The following TBL3 variants were observed in gnomAD, a reference collection of about 807,000 sequenced individuals.
The protein encoded by TBL3 is transducin beta-like protein 3.
In TBL3, 71 loss-of-function variants were observed where a neutral mutation model predicts 102.7. That is an observed-to-expected ratio of 0.69 (90% confidence interval 0.57 to 0.84). The LOEUF (loss-of-function observed/expected upper bound fraction) is 0.84. TBL3 is among the 40% of genes least tolerant of loss of function. TBL3 has a pLI of 0.00. For synonymous variants in TBL3, 578 were observed against 477.7 expected (o/e 1.21, Z -2.74); for missense variants, 1,188 against 1,098.5 (o/e 1.08, Z -1.15).
chr16:1,976,141 G>A (rs990412326), intron 12 of TBL3, 27 bp downstream of exon 12: 4 of 1,614,056 alleles, frequency 2.5e-6, no homozygotes, highest in African/African-American at 1.3e-5. Flanking sequence ...GGTAGGGGCA[G>A]GGGCACCAGG....
In TBL3 at chr16:1,979,432, G is replaced by C. The variant is rs756925016; in HGVS notation, c.*747G>C. On this transcript the variant is annotated 3_prime_UTR_variant, in exon 22 of 22. Transcript: ENST00000568546. The stretch of plus-strand genomic sequence containing the variant: ...ACGCCCGCTCCCGCGTACCTGCATA[G>C]CCACCAGCCGCGGTCTGACGTTTCC... The C allele has an allele frequency of 2.1e-5, 33 of 1,608,904 alleles. No homozygotes were observed. In the East Asian group the frequency reaches 6.3e-4, roughly 30 times the overall value.
In TBL3 at chr16:1,979,714, C is replaced by T; in HGVS notation, c.*1029C>T. On this transcript the variant is annotated 3_prime_UTR_variant, in exon 22 of 22. Transcript: ENST00000568546. ...AGCACGGGCTCCTGGCCCGCCCTGC[C>T]CGCGGTGCTTCTGGCCCAGTCTTGC... The T allele has an allele frequency of 2.3e-6, 3 of 1,295,474 alleles. No individual in the cohort carries two copies. The highest frequency in any genetic ancestry group is 3.1e-6 in the Non-Finnish European group (3 of 954,328). The allele number at this position is 1,295,474 out of a possible 1,614,324, so 80.2% of individuals were successfully genotyped here.
chr16:1,976,465 G>C (rs1253925727), intron 13 of TBL3, 151 bp downstream of exon 13: 21 of 701,060 alleles, frequency 3.0e-5, no homozygotes, highest in Middle Eastern at 7.9e-4. Flanking sequence ...CAGGACAGGA[G>C]AGTCCCTAGG....
In TBL3 at chr16:1,979,429, A is replaced by G. The variant is rs1369232370; in HGVS notation, c.*744A>G. ...CCCACGCCCGCTCCCGCGTACCTGC[A>G]TAGCCACCAGCCGCGGTCTGACGTT... On this transcript the variant is annotated 3_prime_UTR_variant, in exon 22 of 22. Transcript: ENST00000568546. The G allele has an allele frequency of 6.8e-6, 11 of 1,608,672 alleles. No individual in the cohort carries two copies. The Admixed American group carries it at 1.5e-4, about 22-fold the overall frequency.
chr16:1,978,865 C>G lies in TBL3; in HGVS notation c.*180C>G. 1.8e-6 allele frequency: 2 copies of G among 1,090,580 alleles called. No individual in the cohort carries two copies. Among genetic ancestry groups the G allele is most frequent in the South Asian group, 1.6e-5 (1 of 64,138 alleles). 67.6% of individuals were successfully genotyped at this position (1,090,580 alleles called of 1,614,324 possible). A position where few individuals can be genotyped will look rare whatever the true frequency, so the allele number is the denominator to read the frequency against. ...CGGCCCTGCCACGCCCATCCCGCAC[C>G]CTGGCCTGGCAGAGATCCAGCCCGC... On this transcript the variant is annotated 3_prime_UTR_variant, in exon 22 of 22. Coordinates refer to ENST00000568546, the MANE Select transcript of TBL3 (RefSeq NM_006453.3).
Position 1,978,843 on chromosome 16 carries a change from C to G in TBL3, c.*158C>G. On this transcript the variant is annotated 3_prime_UTR_variant, in exon 22 of 22. Coordinates refer to ENST00000568546, the MANE Select transcript of TBL3 (RefSeq NM_006453.3). ...AGGGCACTGGAGCTGATGGTCTCGG[C>G]CCTGCCACGCCCATCCCGCACCCTG... 1 of 1,153,460 alleles carries G rather than the reference C, an allele frequency of 8.7e-7. No homozygotes were observed. Among genetic ancestry groups the G allele is most frequent in the Non-Finnish European group, 1.2e-6 (1 of 824,148 alleles). 71.5% of individuals were successfully genotyped at this position (1,153,460 alleles called of 1,614,324 possible).
At position 1,978,049 on chromosome 16, in the gene TBL3, A is replaced by ACTGT; in HGVS notation, c.2052_2055dup (p.Ile686CysfsTer10). On this transcript the variant is annotated frameshift_variant, in exon 19 of 22. Coordinates refer to ENST00000568546, the MANE Select transcript of TBL3 (RefSeq NM_006453.3). LOFTEE classifies it high-confidence loss of function. ...CCTGGATCGGCCCCACACCGTGCTG[A>ACTGT]CTGTCATCCAGGGTCAGTGCCCACC... 1 of 1,604,920 alleles carries ACTGT rather than the reference A, an allele frequency of 6.2e-7. No individual in the cohort carries two copies. Among genetic ancestry groups the ACTGT allele is most frequent in the Non-Finnish European group, 8.5e-7 (1 of 1,175,222 alleles).
intron 1 of TBL3, among the ~76,000 whole-genome samples, chr16:1,973,510 CTG>C (rs1352763355): frequency 6.6e-6 from 1 of 152,154 alleles, no homozygotes; most frequent in African/African-American, 2.4e-5. Context: ...TGGCCAGAGA[CTG>C]TGATGGGCTG....
chr16:1,978,441 G>A lies in TBL3; in HGVS notation c.2263G>A (p.Ala755Thr). The A allele has an allele frequency of 9.3e-6, 15 of 1,609,726 alleles. No homozygotes were observed. Among genetic ancestry groups the A allele is most frequent in the Non-Finnish European group, 1.3e-5 (15 of 1,178,438 alleles). Residue 755 changes from alanine to threonine, a missense_variant, in exon 21 of 22, where the codon GCA becomes ACA. Physicochemically the swap from Ala to Thr is moderately conservative, Grantham distance 58. Coordinates refer to ENST00000568546, the MANE Select transcript of TBL3 (RefSeq NM_006453.3). ...EELLAYEGVR[A>T]ALEALLPYTE... is the part of the protein sequence containing the mutation. ...GCTGCTGGCCTACGAAGGCGTGCGG[G>A]CAGCGCTTGAGGCCCTGCTGCCCTA...
rs374522195 is a variant in TBL3, at chr16:1,972,159, G to A, written c.-6G>A. The A allele has an allele frequency of 1.4e-3, 2,006 of 1,460,142 alleles. 28 individuals carry two copies. The African/African-American group carries it at 0.026, about 19-fold the overall frequency. 90.4% of individuals were successfully genotyped at this position (1,460,142 alleles called of 1,614,324 possible). A position where few individuals can be genotyped will look rare whatever the true frequency, so the allele number is the denominator to read the frequency against. Reference sequence around the variant, plus strand: ...AGGTTTCAGCTGGAGCGGCGGCGGCGGCAACATGGCAGAGACCGCGGCCGG... The same window carrying A: ...AGGTTTCAGCTGGAGCGGCGGCGGCAGCAACATGGCAGAGACCGCGGCCGG... On this transcript the variant is annotated 5_prime_UTR_variant, in exon 1 of 22. Transcript: ENST00000568546.
At chr16:1,974,138 G>T in intron 2 of TBL3, 31 bp downstream of exon 2, 1 of 1,568,476 alleles carries the variant, frequency 6.4e-7, no homozygotes, top group South Asian at 1.2e-5. Flanking sequence ...AGTGGGGCGG[G>T]CAGCCAGAGG....
chr16:1,974,444 AG>A, intron 4 of TBL3, 21 bp downstream of exon 4: 2 of 1,600,416 alleles, frequency 1.2e-6, no homozygotes, highest in Middle Eastern at 1.7e-4. Context: ...CGGGGCCTGG[AG>A]GGGACCCGCT....
rs375579144 is a variant in TBL3 at position 1,976,163 on chromosome 16, C to T, written c.1189-48C>T. ...GCAGGGGCACCAGGCGGGGAGGCCA[C>T]GCAGTAGGCCCATGGACCAGCCTCT... On this transcript the variant is annotated intron_variant, in intron 12 of 21. Transcript: ENST00000568546. The T allele has an allele frequency of 3.3e-5, 53 of 1,613,618 alleles. No homozygotes were observed. The South Asian group carries it at 3.4e-4, about 10-fold the overall frequency.
intron 13 of TBL3, 36 bp from the exon 14 acceptor site, chr16:1,976,778 C>G: frequency 6.2e-7 from 1 of 1,609,342 alleles, no homozygotes; most frequent in East Asian, 2.2e-5. Flanking sequence ...CTGGCTGGGG[C>G]TCAGCTGTGT....
rs2083475087 is a variant in TBL3, at chr16:1,980,253, A to G, written c.*1568A>G. Reference sequence around the variant, plus strand: ...GTGAAACTGGGGGCGCCACCCCGGCAAGACCGCCAGCCTCCCACTCTCTGC... The same window carrying G: ...GTGAAACTGGGGGCGCCACCCCGGCGAGACCGCCAGCCTCCCACTCTCTGC... On this transcript the variant is annotated 3_prime_UTR_variant, in exon 22 of 22. Transcript: ENST00000568546. 3.3e-6 allele frequency: 5 copies of G among 1,522,932 alleles called. No homozygotes were observed. The highest frequency in any genetic ancestry group is 4.4e-6 in the Non-Finnish European group (5 of 1,133,754). 94.3% of individuals were successfully genotyped at this position (1,522,932 alleles called of 1,614,324 possible).
Position 1,974,374 on chromosome 16 carries a change from A to C in TBL3, c.190-2A>C. 6.2e-7 allele frequency: 1 copy of C among 1,609,040 alleles called. No individual in the cohort carries two copies. Among genetic ancestry groups the C allele is most frequent in the Non-Finnish European group, 8.5e-7 (1 of 1,177,202 alleles). On this transcript the variant is annotated splice_acceptor_variant, in intron 3 of 21. Transcript: ENST00000568546. LOFTEE classifies it high-confidence loss of function. Reference sequence around the variant, plus strand: ...TGCTCGGCACACCACTCTTTCTCCTAGGAGGACCAGGAGGACATCACTGCC... The same window carrying C: ...TGCTCGGCACACCACTCTTTCTCCTCGGAGGACCAGGAGGACATCACTGCC...
Position 1,980,611 on chromosome 16 carries a change from G to A in TBL3, c.*1926G>A, listed in dbSNP as rs758879478. 6 of 1,591,734 alleles carry A rather than the reference G, an allele frequency of 3.8e-6. No individual in the cohort carries two copies. The highest frequency in any genetic ancestry group is 5.1e-6 in the Non-Finnish European group (6 of 1,168,060). Reference sequence around the variant, plus strand: ...GCTTCACTGGTCCCTGGCGCCCCCAGGCAAGCCACCGCCTTCCCCGCTCCC... The same window carrying A: ...GCTTCACTGGTCCCTGGCGCCCCCAAGCAAGCCACCGCCTTCCCCGCTCCC... On this transcript the variant is annotated 3_prime_UTR_variant, in exon 22 of 22. Transcript: ENST00000568546.
rs141510616 is a variant in TBL3 at position 1,973,354 on chromosome 16, C to T, written c.42-702C>T. Among the ~76,000 whole-genome samples the T allele has an allele frequency of 6.6e-4, 101 of 152,250 alleles. 1 individual carries two copies. Among genetic ancestry groups the T allele is most frequent in the African/African-American group, 2.3e-3 (96 of 41,556 alleles). On this transcript the variant is annotated intron_variant, in intron 1 of 21. Coordinates refer to ENST00000568546, the MANE Select transcript of TBL3 (RefSeq NM_006453.3). ...CTGAGGCAGGAGAATGGCGTGAACC[C>T]GGGAGGTGGAGCTTGCAGTGAGCTG...
chr16:1,976,062 T>C lies in TBL3; in HGVS notation c.1136T>C (p.Val379Ala). Residue 379 changes from valine (V) to alanine (A), a missense_variant, in exon 12 of 22, where the codon GTC (valine) becomes GCC (alanine). Physicochemically the swap from Val to Ala is moderately conservative, Grantham distance 64. Transcript: ENST00000568546. The stretch of plus-strand genomic sequence containing the variant: ...CCTCCCCACAACATCTCAGATATCG[T>C]CCTGGCCCTGGATGTGTTCCGGAAG... ...CQILHGHTDIVLALDVFRKGW... is the reference protein window; with the variant it reads ...CQILHGHTDIALALDVFRKGW... 1 of 1,614,156 alleles carries C rather than the reference T, an allele frequency of 6.2e-7. No homozygotes were observed. The highest frequency in any genetic ancestry group is 8.5e-7 in the Non-Finnish European group (1 of 1,180,018).
Sources: gnomAD v4.1 joint callset for allele counts (sites outside exome capture counted in the v4.1 genomes callset) on GRCh38, gnomAD v4.1.1 for gene constraint, MANE v1.5 for transcripts, NCBI Gene and HGNC (gene_info 2026-07-23, HGNC 2026-07-21) for gene names.